The following WHRN variants were observed in gnomAD, a reference collection of about 807,000 sequenced individuals.
The protein encoded by WHRN is whirlin.
A neutral mutation model predicts 68.3 loss-of-function variants in WHRN; 41 were observed. The ratio of observed to expected loss-of-function variants is 0.60; its 90% CI spans 0.47 to 0.78. WHRN has a LOEUF of 0.78. Ranked by LOEUF, WHRN falls within the 30% of genes least tolerant of loss-of-function variation. The pLI, the probability that WHRN is intolerant of heterozygous loss-of-function variation, is 0.00. For missense variants in WHRN, 1,243 were observed against 1,244.7 expected, an observed-to-expected ratio of 1.00 and a Z score of 0.02; for synonymous variants, 560 against 561.3, an observed-to-expected ratio of 1.00 and a Z score of 0.03.
At position 114,454,652 on chromosome 9, in the gene WHRN, T is replaced by A. The variant is rs540718301; in HGVS notation, c.963+11615A>T. 1.8e-3 allele frequency among the ~76,000 whole-genome samples: 271 copies of A among 151,914 alleles called. 1 individual carries two copies. Among genetic ancestry groups the A allele is most frequent in the African/African-American group, 6.5e-3 (267 of 41,394 alleles). The stretch of plus-strand genomic sequence containing the variant: ...TTAAATCTTCTAATTTGATCTAGAT[T>A]CAACACAATTCCAATTCCAATCCCA... On this transcript the variant is annotated intron_variant, in intron 3 of 11. Transcript: ENST00000362057.
chr9:114,468,455 G>A (rs529372613), intron 2 of WHRN, among the ~76,000 whole-genome samples: 9 of 152,236 alleles, frequency 5.9e-5, no homozygotes, highest in African/African-American at 2.2e-4. Context: ...ACAAAAAGCG[G>A]TGGCTTTGCT....
At chr9:114,475,332 C>T (rs1201561580) in intron 2 of WHRN, among the ~76,000 whole-genome samples, 1 of 152,124 alleles carries the variant, frequency 6.6e-6, no homozygotes, top group Non-Finnish European at 1.5e-5. Flanking sequence ...GGAAGCCATA[C>T]AGTGAGCACT....
At chr9:114,442,043 T>C (rs952783350) in intron 3 of WHRN, among the ~76,000 whole-genome samples, 1 of 152,016 alleles carries the variant, frequency 6.6e-6, no homozygotes, top group Admixed American at 6.6e-5. Context: ...ACTAATCCAA[T>C]CATAGCAACC....
rs777759706 is a variant in WHRN at position 114,426,241 on chromosome 9, C to T, written c.1136G>A (p.Arg379Gln). The T allele has an allele frequency of 2.0e-5, 33 of 1,612,414 alleles. No individual in the cohort carries two copies. The highest frequency in any genetic ancestry group is 2.4e-5 in the Non-Finnish European group (28 of 1,180,020). The change falls in exon 4 of 12, where the codon CGG (arginine) becomes CAG (glutamine). Residue 379 changes from arginine (R) to glutamine (Q), a missense_variant. Transcript: ENST00000362057. The stretch of plus-strand genomic sequence containing the variant: ...CGAGTTCGCCATGGTCTCCCTGATC[C>T]GGGAACTGGCGATCCACTTGGTCTC... The part of the protein sequence containing the change: ...VDETKWIASS[R>Q]IRETMANSAG...
intron 2 of WHRN, among the ~76,000 whole-genome samples, chr9:114,468,020 T>C (rs1469966189): frequency 6.6e-6 from 1 of 152,212 alleles, no homozygotes; most frequent in Non-Finnish European, 1.5e-5. Context: ...TGTTATCTCA[T>C]TGAATTCTTC....
At chr9:114,462,447 G>A (rs12005330) in intron 3 of WHRN, among the ~76,000 whole-genome samples, 13,040 of 152,208 alleles carry the variant, frequency 0.086, 1,543 homozygotes, top group African/African-American at 0.27. Flanking sequence ...GGCCCAGGGA[G>A]AGGAAGGACA....
At chr9:114,469,919 TC>T (rs1299531984) in intron 2 of WHRN, among the ~76,000 whole-genome samples, 1 of 152,220 alleles carries the variant, frequency 6.6e-6, no homozygotes, top group African/African-American at 2.4e-5. Flanking sequence ...CCATCCTCCA[TC>T]TTCAAGGCTG....
At chr9:114,478,848 C>T in intron 1 of WHRN, 77 bp from the exon 2 acceptor site, 1 of 1,460,642 alleles carries the variant, frequency 6.8e-7, no homozygotes, top group Non-Finnish European at 9.3e-7. Context: ...CTGGCCCAGA[C>T]CTTGGTTTTT....
intron 3 of WHRN, among the ~76,000 whole-genome samples, chr9:114,450,777 G>A (rs1013931632): frequency 1.3e-5 from 2 of 151,918 alleles, no homozygotes; most frequent in African/African-American, 4.8e-5. Flanking sequence ...TCACCGCCCC[G>A]GCACACAGTA....
intron 2 of WHRN, among the ~76,000 whole-genome samples, chr9:114,469,937 C>A (rs573322761): frequency 6.6e-6 from 1 of 152,210 alleles, no homozygotes; most frequent in Admixed American, 6.5e-5. Context: ...GCTGGCAGCA[C>A]GGCATCTTCC....
intron 3 of WHRN, among the ~76,000 whole-genome samples, chr9:114,432,123 G>A (rs1193756571): frequency 1.3e-5 from 2 of 152,168 alleles, no homozygotes; most frequent in Admixed American, 6.5e-5. Context: ...AGTGGAGGGT[G>A]GACCATGGAA....
intron 1 of WHRN, among the ~76,000 whole-genome samples, chr9:114,494,385 T>A (rs1361237199): frequency 1.3e-5 from 2 of 152,112 alleles, no homozygotes; most frequent in African/African-American, 2.4e-5. Context: ...ATCATCAGTA[T>A]CCCCATTTTA....
At chr9:114,489,496 A>G (rs1842797886) in intron 1 of WHRN, among the ~76,000 whole-genome samples, 3 of 117,976 alleles carry the variant, frequency 2.5e-5, no homozygotes, top group Non-Finnish European at 5.7e-5. Flanking sequence ...ACACGTACAC[A>G]CACACACGCA....
At chr9:114,490,394 C>A (rs1261248887) in intron 1 of WHRN, among the ~76,000 whole-genome samples, 1 of 152,196 alleles carries the variant, frequency 6.6e-6, no homozygotes, top group Non-Finnish European at 1.5e-5. Flanking sequence ...GGTGTCTTCT[C>A]CCCTTTTCTG....
intron 2 of WHRN, 104 bp downstream of exon 2, chr9:114,478,449 C>T: frequency 7.8e-7 from 1 of 1,278,906 alleles, no homozygotes; most frequent in African/African-American, 1.5e-5. Flanking sequence ...AGAGCCTGGA[C>T]AGAACCAGCC....
rs180683923 is a variant in WHRN at position 114,411,160 on chromosome 9, C to T, written c.1627-3142G>A. Among the ~76,000 whole-genome samples, 42 of 152,260 alleles carry T rather than the reference C, an allele frequency of 2.8e-4. 1 individual carries two copies. The highest frequency in any genetic ancestry group is 1.0e-3 in the South Asian group (5 of 4,828). On this transcript the variant is annotated intron_variant, in intron 7 of 11. Transcript: ENST00000362057. Reference sequence around the variant, plus strand: ...AATGAACCGCGAGACGTGTCCTGGCCCATATGACAACTAGGATGGAAAGGA... The same window carrying T: ...AATGAACCGCGAGACGTGTCCTGGCTCATATGACAACTAGGATGGAAAGGA...
rs1554721530 is a variant in WHRN at position 114,434,141 on chromosome 9, A to AT, written c.964-7729_964-7728insA. Among the ~76,000 whole-genome samples the AT allele has an allele frequency of 1.2e-4, 18 of 152,286 alleles. No individual in the cohort carries two copies. The South Asian group carries it at 3.3e-3, about 28-fold the overall frequency. The stretch of plus-strand genomic sequence containing the variant: ...AACACAGAAAGAATAACAATTACCA[A>AT]CCCCAAGTGCCTTGCTTAGGCCAGC... On this transcript the variant is annotated intron_variant, in intron 3 of 11. Coordinates refer to ENST00000362057, the MANE Select transcript of WHRN (RefSeq NM_015404.4).
intron 3 of WHRN, among the ~76,000 whole-genome samples, chr9:114,440,763 C>T (rs1326339959): frequency 6.6e-6 from 1 of 152,184 alleles, no homozygotes; most frequent in Non-Finnish European, 1.5e-5. Context: ...GCTTAAAACG[C>T]CGTGTGCCGC....
chr9:114,504,741 C>G lies in WHRN; in HGVS notation c.61G>C (p.Ala21Pro). Residue 21 changes from alanine to proline, a missense_variant, in exon 1 of 12, where the codon GCG (alanine) becomes CCG (proline). Physicochemically the swap from Ala to Pro is conservative, Grantham distance 27. Coordinates refer to ENST00000362057, the MANE Select transcript of WHRN (RefSeq NM_015404.4). ...CCCCCGCCGCCGCCCGCCCCGGCCG[C>G]CGAGCCCAGCGAGCCGGTGGAGGAC... The part of the protein sequence containing the change: ...SSSSTGSLGS[A>P]AGAGGGGGAG... 1 of 1,508,856 alleles carries G rather than the reference C, an allele frequency of 6.6e-7. No individual in the cohort carries two copies. Among genetic ancestry groups the G allele is most frequent in the Non-Finnish European group, 8.8e-7 (1 of 1,138,226 alleles). The allele number at this position is 1,508,856 out of a possible 1,614,324, so 93.5% of individuals were successfully genotyped here. A position where few individuals can be genotyped will look rare whatever the true frequency, so the allele number is the denominator to read the frequency against.
Sources: gnomAD v4.1 joint callset for allele counts (sites outside exome capture counted in the v4.1 genomes callset) on GRCh38, gnomAD v4.1.1 for gene constraint, MANE v1.5 for transcripts, NCBI Gene and HGNC (gene_info 2026-07-23, HGNC 2026-07-21) for gene names.